Variants in BLOC1S3 observed in about 807,000 individuals in gnomAD.
The protein encoded by BLOC1S3 is biogenesis of lysosomal organelles complex 1 subunit 3.
BLOC1S3 carries 7 observed loss-of-function variants against 9.1 expected under a neutral mutation model. The observed-to-expected ratio is 0.77, with a 90% CI of 0.44 to 1.45. The LOEUF (loss-of-function observed/expected upper bound fraction) is 1.45, where lower values mean the gene tolerates loss of function less well. Ranked by LOEUF, BLOC1S3 falls within the 40% of genes most tolerant of loss-of-function variation. The pLI is 0.01. For synonymous variants in BLOC1S3, 145 were observed against 158.4 expected, an observed-to-expected ratio of 0.92 and a Z score of 0.64; for missense variants, 307 against 315.2, an observed-to-expected ratio of 0.97 and a Z score of 0.20.
intron 2 of BLOC1S3, among the ~76,000 whole-genome samples, chr19:45,201,289 A>G (rs1456282570): frequency 6.6e-6 from 1 of 152,046 alleles, no homozygotes; most frequent in African/African-American, 2.4e-5. Context: ...ACCAGGCAGA[A>G]ACTCTTCTCT....
intron 3 of BLOC1S3, among the ~76,000 whole-genome samples, chr19:45,214,765 G>A (rs1041581232): frequency 2.0e-5 from 3 of 151,518 alleles, no homozygotes; most frequent in East Asian, 2.0e-4. Context: ...ATGCCCGGCC[G>A]ATCTGGTGTA....
At chr19:45,210,455 C>T (rs915725109) in intron 3 of BLOC1S3, among the ~76,000 whole-genome samples, 2 of 151,530 alleles carry the variant, frequency 1.3e-5, no homozygotes, top group African/African-American at 2.4e-5. Flanking sequence ...TGCGCCACCA[C>T]GCCTGGCTAA....
At chr19:45,192,979 C>T (rs1969617529) in intron 2 of BLOC1S3, among the ~76,000 whole-genome samples, 2 of 151,322 alleles carry the variant, frequency 1.3e-5, no homozygotes, top group African/African-American at 4.8e-5. Flanking sequence ...ACTAAACATA[C>T]AAAATTAGCC....
chr19:45,194,693 C>T (rs145766950), intron 2 of BLOC1S3, among the ~76,000 whole-genome samples: 1 of 152,206 alleles, frequency 6.6e-6, no homozygotes, highest in African/African-American at 2.4e-5. Context: ...GCATAATGTT[C>T]CACCAACAAA....
intron 2 of BLOC1S3, among the ~76,000 whole-genome samples, chr19:45,202,027 TCCTGGCTAACATGGTGAAA>T (rs1237748425): frequency 5.3e-5 from 8 of 151,550 alleles, no homozygotes; most frequent in African/African-American, 1.9e-4. Flanking sequence ...ATCGAGACCA[TCCTGGCTAACATGGTGAAA>T]CCCCGTCTCT....
At chr19:45,211,797 A>G (rs535456526) in intron 3 of BLOC1S3, among the ~76,000 whole-genome samples, 3 of 126,032 alleles carry the variant, frequency 2.4e-5, no homozygotes, top group Admixed American at 2.3e-4. Context: ...CTGACTTCTC[A>G]GGGAAAAAAA....
intron 2 of BLOC1S3, among the ~76,000 whole-genome samples, chr19:45,188,727 C>T (rs1242082335): frequency 6.6e-6 from 1 of 151,822 alleles, no homozygotes; most frequent in Non-Finnish European, 1.5e-5. Context: ...CACGCGCCCC[C>T]ATGCCTGGCT....
intron 3 of BLOC1S3, among the ~76,000 whole-genome samples, chr19:45,206,462 T>TTTTTTTTTTTTTTTTTTTTTTTTG (rs970984062): frequency 3.5e-5 from 4 of 115,506 alleles, no homozygotes; most frequent in African/African-American, 1.1e-4. Context: ...TTTTTTTTTT[T>TTTTTTTTTTTTTTTTTTTTTTTTG]TTTTTTTTTT....
chr19:45,212,199 AGG>A, intron 3 of BLOC1S3, among the ~76,000 whole-genome samples: 1 of 152,242 alleles, frequency 6.6e-6, no homozygotes, highest in African/African-American at 2.4e-5. Context: ...CACAGCCAGG[AGG>A]TGTACATGGG....
chr19:45,213,484 T>G, intron 3 of BLOC1S3: 2 of 1,101,954 alleles, frequency 1.8e-6, no homozygotes, highest in Non-Finnish European at 2.6e-6. Context: ...GGCCTCTGTG[T>G]CCCCTCCAGA....
At chr19:45,212,598 C>CT (rs530736333) in intron 3 of BLOC1S3, 4,906 of 111,278 alleles carry the variant, frequency 0.044, 473 homozygotes, top group African/African-American at 0.17. Context: ...TTCCCCCTAC[C>CT]TTTTTTTTTT....
intron 2 of BLOC1S3, among the ~76,000 whole-genome samples, chr19:45,201,126 A>C (rs1969687632): frequency 6.6e-6 from 1 of 151,426 alleles, no homozygotes; most frequent in African/African-American, 2.4e-5. Context: ...TCACTTGCGC[A>C]TGGGAGGTGG....
chr19:45,216,814 C>T (rs1969840229), exon 4 of BLOC1S3: 2 of 152,124 alleles, frequency 1.3e-5, no homozygotes, highest in African/African-American at 4.8e-5. Flanking sequence ...GCATGTGAAT[C>T]TACAATTATC....
At chr19:45,192,668 G>A (rs551021800) in intron 2 of BLOC1S3, among the ~76,000 whole-genome samples, 2 of 152,288 alleles carry the variant, frequency 1.3e-5, no homozygotes, top group East Asian at 3.9e-4. Flanking sequence ...TTTCCTTCAA[G>A]GCAGCAGTTT....
At chr19:45,189,526 A>G (rs12460975) in intron 2 of BLOC1S3, among the ~76,000 whole-genome samples, 56,029 of 148,530 alleles carry the variant, frequency 0.38, 11,207 homozygotes, top group Admixed American at 0.45. Context: ...TCTACCTCCC[A>G]GGTTCAAGTG....
chr19:45,208,621 G>C (rs574481329), intron 3 of BLOC1S3, among the ~76,000 whole-genome samples: 478 of 152,210 alleles, frequency 3.1e-3, no homozygotes, highest in Non-Finnish European at 4.5e-3. Context: ...TGGGTGTGGT[G>C]GTGGGTGCCT....
downstream of BLOC1S3, among the ~76,000 whole-genome samples, chr19:45,182,361 C>T (rs1028180445): frequency 2.3e-4 from 35 of 150,486 alleles, no homozygotes; most frequent in Admixed American, 1.1e-3. Flanking sequence ...AGCGACAGAG[C>T]AGGACTCTGT....
intron 3 of BLOC1S3, chr19:45,212,869 G>A (rs887895883): frequency 3.1e-5 from 17 of 553,574 alleles, no homozygotes; most frequent in Non-Finnish European, 4.1e-5. Context: ...CAAAGTGTTG[G>A]GATTACAGGC....
chr19:45,206,015 C>T (rs1448603311), intron 3 of BLOC1S3, among the ~76,000 whole-genome samples: 1 of 152,198 alleles, frequency 6.6e-6, no homozygotes, highest in African/African-American at 2.4e-5. Flanking sequence ...GAGTTTGAGA[C>T]CAACTTGGGC....
Sources: gnomAD v4.1 joint callset for allele counts (sites outside exome capture counted in the v4.1 genomes callset) on GRCh38, gnomAD v4.1.1 for gene constraint, MANE v1.5 for transcripts, NCBI Gene and HGNC (gene_info 2026-07-23, HGNC 2026-07-21) for gene names.